GRIN2A: variants seen among roughly 807,000 people sequenced by gnomAD.
The protein encoded by GRIN2A is glutamate receptor ionotropic, NMDA 2A.
A neutral mutation model predicts 113.4 loss-of-function variants in GRIN2A; 22 were observed. The observed-to-expected ratio is 0.19, with a 90% CI of 0.14 to 0.28. The LOEUF (loss-of-function observed/expected upper bound fraction) is 0.28, where lower values mean the gene tolerates loss of function less well. Ranked by LOEUF, GRIN2A falls within the 10% of genes least tolerant of loss-of-function variation. The pLI, the probability that GRIN2A is intolerant of heterozygous loss-of-function variation, is 1.00. For missense variants in GRIN2A, 1,502 were observed against 1,887.0 expected, an observed-to-expected ratio of 0.80 and a Z score of 3.78; for synonymous variants, 827 against 738.4, an observed-to-expected ratio of 1.12 and a Z score of -1.94.
intron 10 of GRIN2A, among the ~76,000 whole-genome samples, chr16:9,798,976 A>G (rs1289985755): frequency 1.3e-5 from 2 of 152,252 alleles, no homozygotes; most frequent in African/African-American, 4.8e-5. Flanking sequence ...AGTATTAAAA[A>G]TACAATTAAA....
chr16:9,955,994 C>A (rs1164670500), intron 2 of GRIN2A, among the ~76,000 whole-genome samples: 1 of 152,210 alleles, frequency 6.6e-6, no homozygotes, highest in Non-Finnish European at 1.5e-5. Flanking sequence ...GGTTCCATCA[C>A]CCCTTAAAGC....
Position 9,829,617 on chromosome 16 carries a change from T to C in GRIN2A, c.1813A>G (p.Ile605Val). 1.2e-6 allele frequency: 2 copies of C among 1,613,916 alleles called. No homozygotes were observed. The highest frequency in any genetic ancestry group is 2.2e-5 in the East Asian group (1 of 44,842). ...HGPSFTIGKA[I>V]WLLWGLVFNN... ...AACACCAGGCCCCAAAGAAGCCATATAGCTTTTCCAATTGTAAAAGAAGGC... is the reference window on the plus strand; with the variant it reads ...AACACCAGGCCCCAAAGAAGCCATACAGCTTTTCCAATTGTAAAAGAAGGC... Residue 605 changes from isoleucine to valine, a missense_variant, in exon 9 of 13, where the codon ATA becomes GTA. Transcript: ENST00000330684.
intron 2 of GRIN2A, among the ~76,000 whole-genome samples, chr16:10,003,082 T>A (rs1004155920): frequency 1.3e-5 from 2 of 152,224 alleles, no homozygotes; most frequent in African/African-American, 2.4e-5. Context: ...TAGCTCTTGA[T>A]GCATGGGAAG....
intron 3 of GRIN2A, among the ~76,000 whole-genome samples, chr16:9,903,099 G>A (rs1232284193): frequency 1.3e-5 from 2 of 151,820 alleles, no homozygotes; most frequent in African/African-American, 4.8e-5. Context: ...CTCTCTAGTA[G>A]CTGGGACTAC....
chr16:9,927,404 G>A (rs960979056), intron 3 of GRIN2A, among the ~76,000 whole-genome samples: 5 of 152,152 alleles, frequency 3.3e-5, no homozygotes, highest in African/African-American at 1.2e-4. Context: ...CTTCCCAGGT[G>A]TTACCAGCAA....
intron 11 of GRIN2A, among the ~76,000 whole-genome samples, chr16:9,779,016 C>T (rs1035783833): frequency 3.9e-5 from 6 of 152,224 alleles, no homozygotes; most frequent in African/African-American, 1.4e-4. Context: ...GTTTTCTGCT[C>T]CTGCATCACA....
chr16:9,822,136 C>A, intron 10 of GRIN2A, 128 bp downstream of exon 10: 1 of 993,406 alleles, frequency 1.0e-6, no homozygotes, highest in South Asian at 1.3e-5. Context: ...CAACTGGGGC[C>A]CATCTGGACC....
At position 9,764,551 on chromosome 16, in the gene GRIN2A, A is replaced by G. The variant is rs1900789403; in HGVS notation, c.2993T>C (p.Val998Ala). The G allele has an allele frequency of 6.2e-7, 1 of 1,613,664 alleles. No individual in the cohort carries two copies. The highest frequency in any genetic ancestry group is 1.1e-5 in the South Asian group (1 of 91,070). Reference sequence around the variant, plus strand: ...CGCTTTGGATTCTGTGCTCACGGCCACCTCCACCGTGTTAGGGTTGGACTC... The same window carrying G: ...CGCTTTGGATTCTGTGCTCACGGCCGCCTCCACCGTGTTAGGGTTGGACTC... ...LNESNPNTVE[V>A]AVSTESKANS... is the part of the protein sequence containing the mutation. Residue 998 changes from valine (V) to alanine (A), a missense_variant, in exon 13 of 13, where the codon GTG (valine) becomes GCG (alanine). Around this residue, in one of 7 missense-constraint regions of GRIN2A, gnomAD observed 832 missense variants for 789.7 expected, o/e 1.05. Coordinates refer to ENST00000330684, the MANE Select transcript of GRIN2A (RefSeq NM_001134407.3).
intron 2 of GRIN2A, among the ~76,000 whole-genome samples, chr16:10,152,030 G>A (rs963553539): frequency 6.6e-6 from 1 of 152,190 alleles, no homozygotes. Context: ...TTCGTCCTGA[G>A]AAGGAGACAC....
At position 9,840,996 on chromosome 16, in the gene GRIN2A, C is replaced by G. The variant is rs768988228; in HGVS notation, c.1437G>C (p.Leu479=). 2.5e-6 allele frequency: 4 copies of G among 1,613,656 alleles called. No homozygotes were observed. Among genetic ancestry groups the G allele is most frequent in the Non-Finnish European group, 3.4e-6 (4 of 1,179,650 alleles). The change falls in exon 6 of 13, where the codon CTG becomes CTC. Residue 479 remains leucine, a synonymous_variant. Transcript: ENST00000330684. ...RTVKFTYDLY[L]VTNGKHGKKV... ...TCTTGCCATGCTTCCCATTGGTCACCAGATAGAGGTCGTAAGTAAACTTCA... is the reference window on the plus strand; with the variant it reads ...TCTTGCCATGCTTCCCATTGGTCACGAGATAGAGGTCGTAAGTAAACTTCA...
At chr16:10,124,982 C>G (rs1174860391) in intron 2 of GRIN2A, among the ~76,000 whole-genome samples, 2 of 152,050 alleles carry the variant, frequency 1.3e-5, no homozygotes, top group Non-Finnish European at 2.9e-5. Flanking sequence ...GGACAAAGCC[C>G]CTAGGGTTGG....
chr16:9,868,066 C>A (rs912134053), intron 4 of GRIN2A, among the ~76,000 whole-genome samples: 1 of 152,288 alleles, frequency 6.6e-6, no homozygotes, highest in African/African-American at 2.4e-5. Context: ...TCTTCTGCCA[C>A]CCCCATATAT....
intron 10 of GRIN2A, among the ~76,000 whole-genome samples, chr16:9,808,762 G>A (rs1030203183): frequency 3.9e-5 from 6 of 151,908 alleles, no homozygotes; most frequent in Non-Finnish European, 8.8e-5. Context: ...AATTGACTAC[G>A]TAAGTTTGAA....
At chr16:9,799,324 A>T (rs189665309) in intron 10 of GRIN2A, among the ~76,000 whole-genome samples, 5 of 152,310 alleles carry the variant, frequency 3.3e-5, no homozygotes, top group Admixed American at 2.6e-4. Context: ...AGAACGCCAT[A>T]TGAAGACTGG....
At chr16:9,827,189 G>C (rs1447960618) in intron 9 of GRIN2A, among the ~76,000 whole-genome samples, 2 of 152,248 alleles carry the variant, frequency 1.3e-5, no homozygotes, top group African/African-American at 2.4e-5. Flanking sequence ...AGGTGACATG[G>C]CTTTAAAAAC....
intron 10 of GRIN2A, among the ~76,000 whole-genome samples, chr16:9,813,219 G>A (rs530885798): frequency 1.3e-5 from 2 of 152,176 alleles, no homozygotes; most frequent in East Asian, 3.8e-4. Flanking sequence ...ATTATCACCT[G>A]GTCCTTAAAT....
chr16:9,791,785 G>T (rs1231928278), intron 11 of GRIN2A, among the ~76,000 whole-genome samples: 1 of 151,870 alleles, frequency 6.6e-6, no homozygotes, highest in East Asian at 1.9e-4. Context: ...ATGCTTCAGT[G>T]GAAGATACAA....
intron 2 of GRIN2A, among the ~76,000 whole-genome samples, chr16:9,982,841 C>T (rs2045915916): frequency 6.6e-6 from 1 of 152,120 alleles, no homozygotes; most frequent in African/African-American, 2.4e-5. Context: ...CTTGAATCAC[C>T]CACTTTCCCA....
intron 2 of GRIN2A, among the ~76,000 whole-genome samples, chr16:10,164,292 G>A (rs749988598): frequency 2.0e-5 from 3 of 152,216 alleles, no homozygotes; most frequent in East Asian, 1.9e-4. Context: ...TAAGTGGCAC[G>A]GACACTCAGC....
Sources: allele counts gnomAD v4.1 joint callset (sites outside exome capture counted in the v4.1 genomes callset), GRCh38; gene constraint gnomAD v4.1.1; regional missense constraint gnomAD v4.1.1; transcripts MANE v1.5; gene names NCBI Gene and HGNC (gene_info 2026-07-23, HGNC 2026-07-21).